C1QTNF3: variants seen among roughly 807,000 people sequenced by gnomAD.
The protein encoded by C1QTNF3 is complement C1q tumor necrosis factor-related protein 3.
C1QTNF3 carries 26 observed loss-of-function variants against 32.6 expected under a neutral mutation model. The ratio of observed to expected loss-of-function variants is 0.80; its 90% CI spans 0.58 to 1.11. C1QTNF3 has a LOEUF of 1.11. Among genes scored for constraint, C1QTNF3 ranks in the 50% least tolerant of loss-of-function variants. The pLI is 0.00. For synonymous variants in C1QTNF3, 155 were observed against 146.0 expected (o/e 1.06, Z -0.44); for missense variants, 362 against 398.2 (o/e 0.91, Z 0.77).
rs145505808 is a variant in C1QTNF3, at chr5:34,019,059, C to T, written c.*1524G>A. 6.6e-6 allele frequency among the ~76,000 whole-genome samples: 1 copy of T among 151,518 alleles called. No homozygotes were observed. Among genetic ancestry groups the T allele is most frequent in the Non-Finnish European group, 1.5e-5 (1 of 67,930 alleles). ...AGGAGAGTCACTTGAACCCAGGAGG[C>T]GGAGGCTGCGGTGAGCTGAGATCAT... On this transcript the variant is annotated 3_prime_UTR_variant, in exon 6 of 6. Coordinates refer to ENST00000382065, the MANE Select transcript of C1QTNF3 (RefSeq NM_181435.6).
At chr5:34,056,167 A>AGGTTTTG in the C1QTNF3 span, among the ~76,000 whole-genome samples, 4 of 151,968 alleles carry the variant, frequency 2.6e-5, no homozygotes, top group Non-Finnish European at 5.9e-5. Context: ...AAATTATGCA[A>AGGTTTTG]GGTTTTGATG....
At chr5:34,052,019 T>A in the C1QTNF3 span, among the ~76,000 whole-genome samples, 10 of 152,180 alleles carry the variant, frequency 6.6e-5, no homozygotes, top group Non-Finnish European at 1.5e-4. Context: ...GCGCCTGTAA[T>A]CCCAGCTACT....
Position 34,020,715 on chromosome 5 carries a change from T to C in C1QTNF3, c.828A>G (p.Thr276=), listed in dbSNP as rs1393951076. The part of the protein sequence containing the change: ...YSYEMKGKSD[T]SSNHAVLKLA... ...GCTTCAGCACAGCATGATTGCTGGATGTATCTGATTTGCCCTTCATTTCAT... is the reference window on the plus strand; with the variant it reads ...GCTTCAGCACAGCATGATTGCTGGACGTATCTGATTTGCCCTTCATTTCAT... The change falls in exon 6 of 6, where the codon ACA becomes ACG. Residue 276 remains threonine, a synonymous_variant. Transcript: ENST00000382065. 1 of 1,613,718 alleles carries C rather than the reference T, an allele frequency of 6.2e-7. No individual in the cohort carries two copies. The highest frequency in any genetic ancestry group is 1.1e-5 in the South Asian group (1 of 91,006).
chr5:34,224,435 T>C, the C1QTNF3 span, among the ~76,000 whole-genome samples: 1 of 152,162 alleles, frequency 6.6e-6, no homozygotes. Context: ...AACAGCATGG[T>C]ACTGGTACCA....
chr5:34,024,531 T>C lies in C1QTNF3; in HGVS notation c.701-523A>G, dbSNP rs78258324. On this transcript the variant is annotated intron_variant, in intron 4 of 5. Transcript: ENST00000382065. The stretch of plus-strand genomic sequence containing the variant: ...TTTATGAGTTCTAAAGAAATGGTTC[T>C]GGTAATTTCTCATGCTATACCTTGT... 1,438 of 154,576 alleles carry C rather than the reference T, an allele frequency of 9.3e-3. 26 individuals carry two copies. Among genetic ancestry groups the C allele is most frequent in the African/African-American group, 0.033 (1,376 of 41,584 alleles). 9.6% of individuals were successfully genotyped at this position (154,576 alleles called of 1,614,324 possible). A position where few individuals can be genotyped will look rare whatever the true frequency, so the allele number is the denominator to read the frequency against.
At chr5:34,213,753 A>G in the C1QTNF3 span, among the ~76,000 whole-genome samples, 1 of 123,546 alleles carries the variant, frequency 8.1e-6, no homozygotes, top group Non-Finnish European at 1.7e-5. Flanking sequence ...GTGTGTATAT[A>G]TATATACACA....
At chr5:34,121,439 C>T in the C1QTNF3 span, among the ~76,000 whole-genome samples, 2 of 152,106 alleles carry the variant, frequency 1.3e-5, no homozygotes, top group Non-Finnish European at 2.9e-5. Context: ...GCACTTCTTA[C>T]ATGGCGGCGG....
At chr5:34,058,094 ACT>A in the C1QTNF3 span, among the ~76,000 whole-genome samples, 9 of 152,012 alleles carry the variant, frequency 5.9e-5, no homozygotes, top group Admixed American at 1.3e-4. Flanking sequence ...ACTTGCAGAC[ACT>A]CTGTTGTTAC....
At chr5:34,242,029 G>C in the C1QTNF3 span, among the ~76,000 whole-genome samples, 1 of 150,048 alleles carries the variant, frequency 6.7e-6, no homozygotes, top group African/African-American at 2.4e-5. Context: ...ACAAATAAAT[G>C]GAATAACATT....
chr5:34,233,060 T>C, the C1QTNF3 span, among the ~76,000 whole-genome samples: 1 of 151,040 alleles, frequency 6.6e-6, no homozygotes, highest in Non-Finnish European at 1.5e-5. Flanking sequence ...AAGAATAAGT[T>C]ATATTCCTAT....
At chr5:34,234,795 C>G in the C1QTNF3 span, among the ~76,000 whole-genome samples, 1 of 152,104 alleles carries the variant, frequency 6.6e-6, no homozygotes, top group South Asian at 2.1e-4. Flanking sequence ...CTCTTATTCT[C>G]CATGCCTCCA....
chr5:34,224,091 A>C, the C1QTNF3 span, among the ~76,000 whole-genome samples: 74 of 152,226 alleles, frequency 4.9e-4, no homozygotes, highest in East Asian at 0.013. Context: ...ATCCAACTTA[A>C]AAGGGATGGG....
At chr5:34,177,012 G>A in the C1QTNF3 span, among the ~76,000 whole-genome samples, 1 of 152,142 alleles carries the variant, frequency 6.6e-6, no homozygotes, top group Admixed American at 6.5e-5. Context: ...AGGCAACACA[G>A]TGAAACCCAG....
the C1QTNF3 span, among the ~76,000 whole-genome samples, chr5:34,205,574 T>C: frequency 1.3e-5 from 2 of 152,152 alleles, no homozygotes; most frequent in Admixed American, 6.5e-5. Context: ...CTCTTTGCCT[T>C]CTGCTATGAC....
In C1QTNF3 at chr5:34,043,048, G is replaced by A. The variant is rs376405283; in HGVS notation, c.78C>T (p.Tyr26=). Residue 26 remains tyrosine (Y), a synonymous_variant, in exon 1 of 6, where the codon TAC becomes TAT. Transcript: ENST00000382065. The stretch of plus-strand genomic sequence containing the variant: ...TATTAGTTCTTCCGCTCACCTCCAT[G>A]TATTCATCTTGACACAGGCAAAAAG... The part of the protein sequence containing the change: ...FLPFCLCQDE[Y]MEVSGRTNKV... 1.9e-6 allele frequency: 3 copies of A among 1,613,946 alleles called. No individual in the cohort carries two copies. In the African/African-American group the frequency reaches 4.0e-5, roughly 22 times the overall value.
At chr5:34,220,464 A>C in the C1QTNF3 span, among the ~76,000 whole-genome samples, 5 of 151,556 alleles carry the variant, frequency 3.3e-5, no homozygotes, top group African/African-American at 1.2e-4. Flanking sequence ...TATCTGATCC[A>C]ATAAAATCTA....
chr5:34,042,467 A>G (rs1754891181), intron 1 of C1QTNF3, among the ~76,000 whole-genome samples: 6 of 152,172 alleles, frequency 3.9e-5, no homozygotes, highest in Admixed American at 2.6e-4. Context: ...ATGATTGTCT[A>G]CAGTGACCGA....
chr5:34,020,794 CTCTT>C (rs1754309708), intron 5 of C1QTNF3, 52 bp from the exon 6 acceptor site: 1 of 1,568,226 alleles, frequency 6.4e-7, no homozygotes, highest in South Asian at 1.1e-5. Context: ...GAACAACCAG[CTCTT>C]CACCAAAGTC....
the C1QTNF3 span, among the ~76,000 whole-genome samples, chr5:34,212,700 A>G: frequency 6.6e-6 from 1 of 150,378 alleles, no homozygotes; most frequent in Non-Finnish European, 1.5e-5. Flanking sequence ...CAAAACCACA[A>G]TGAGATACCA....
Sources: allele counts gnomAD v4.1 joint callset (sites outside exome capture counted in the v4.1 genomes callset), GRCh38; gene constraint gnomAD v4.1.1; transcripts MANE v1.5; gene names NCBI Gene and HGNC (gene_info 2026-07-23, HGNC 2026-07-21).